PHYHIPL: variants seen among roughly 807,000 people sequenced by gnomAD.
The protein encoded by PHYHIPL is phytanoyl-CoA hydroxylase-interacting protein-like.
In PHYHIPL, 9 loss-of-function variants were observed where a neutral mutation model predicts 33.4. That is an observed-to-expected ratio of 0.27 (90% confidence interval 0.16 to 0.47). The LOEUF is 0.47. PHYHIPL is among the 20% of genes least tolerant of loss of function. PHYHIPL has a pLI of 0.99. For missense variants in PHYHIPL, 365 were observed against 460.7 expected, an observed-to-expected ratio of 0.79 and a Z score of 1.90; for synonymous variants, 153 against 154.1, an observed-to-expected ratio of 0.99 and a Z score of 0.05.
chr10:59,206,975 A>G (rs1403818411), intron 1 of PHYHIPL: 1 of 226,900 alleles, frequency 4.4e-6, no homozygotes, highest in Non-Finnish European at 8.3e-6. Flanking sequence ...GCAAAACAAT[A>G]CAGTAAGAGG....
chr10:59,198,437 T>C (rs921266390), intron 1 of PHYHIPL, among the ~76,000 whole-genome samples: 10 of 152,194 alleles, frequency 6.6e-5, no homozygotes, highest in African/African-American at 2.4e-4. Flanking sequence ...CCACATTTTT[T>C]TTAATCCACT....
At chr10:59,182,568 C>A (rs1838439581) in intron 1 of PHYHIPL, among the ~76,000 whole-genome samples, 1 of 152,164 alleles carries the variant, frequency 6.6e-6, no homozygotes, top group African/African-American at 2.4e-5. Context: ...GTCTTGAACT[C>A]CCGACCTCGT....
chr10:59,216,046 C>T (rs1053137246), intron 1 of PHYHIPL, among the ~76,000 whole-genome samples: 5 of 151,774 alleles, frequency 3.3e-5, no homozygotes, highest in Admixed American at 1.3e-4. Context: ...GTGAGACATC[C>T]AAGTAGGGGT....
intron 1 of PHYHIPL, among the ~76,000 whole-genome samples, chr10:59,182,522 T>C (rs1024393425): frequency 2.0e-5 from 3 of 152,050 alleles, no homozygotes; most frequent in African/African-American, 7.2e-5. Flanking sequence ...TTTGTGTTTT[T>C]AGTAGAGATG....
intron 1 of PHYHIPL, among the ~76,000 whole-genome samples, chr10:59,227,970 A>G (rs1839973478): frequency 6.7e-6 from 1 of 150,162 alleles, no homozygotes; most frequent in Non-Finnish European, 1.5e-5. Flanking sequence ...ATTTTTGCCT[A>G]TTGAGATATA....
intron 1 of PHYHIPL, among the ~76,000 whole-genome samples, chr10:59,212,552 C>T (rs769182731): frequency 2.0e-5 from 3 of 152,186 alleles, no homozygotes; most frequent in Non-Finnish European, 4.4e-5. Flanking sequence ...AAATGGTCAA[C>T]CGTTAACCAA....
At chr10:59,185,276 C>T (rs1838555706) in intron 1 of PHYHIPL, among the ~76,000 whole-genome samples, 2 of 152,190 alleles carry the variant, frequency 1.3e-5, no homozygotes, top group Admixed American at 1.3e-4. Context: ...AGGCATGAGC[C>T]ACCGCGCCCG....
intron 1 of PHYHIPL, among the ~76,000 whole-genome samples, chr10:59,227,142 T>A (rs1010629618): frequency 6.6e-6 from 1 of 152,192 alleles, no homozygotes; most frequent in Non-Finnish European, 1.5e-5. Context: ...GTCTATTTTC[T>A]GTTGGTATAA....
rs563256979 is a variant in PHYHIPL, at chr10:59,245,316, G to A, written c.856G>A (p.Ala286Thr). The A allele has an allele frequency of 1.2e-6, 2 of 1,614,132 alleles. No homozygotes were observed. Among genetic ancestry groups the A allele is most frequent in the East Asian group, 2.2e-5 (1 of 44,880 alleles). ...TTATCATTATGTGATTCTTGTTATT[G>A]CTCCTGTGGGATCACCAGGAGATGA... ...TAYHYVILVI[A>T]PVGSPGDEFC... Residue 286 changes from alanine to threonine, a missense_variant, in exon 5 of 5, where the codon GCT becomes ACT. This residue lies in a region of PHYHIPL where 196 missense variants were observed against 224.9 expected (regional missense o/e 0.87). Coordinates refer to ENST00000373880, the MANE Select transcript of PHYHIPL (RefSeq NM_032439.4).
Position 59,177,745 on chromosome 10 carries a change from G to A in PHYHIPL, c.106+786G>A, listed in dbSNP as rs906885541. ...GACATAAGCTAGTGCTGTGTGCGGTGTGGTTAGTTACAGTGCTTCTGGGTT... is the reference window on the plus strand; with the variant it reads ...GACATAAGCTAGTGCTGTGTGCGGTATGGTTAGTTACAGTGCTTCTGGGTT... On this transcript the variant is annotated intron_variant, in intron 1 of 4. Coordinates refer to ENST00000373880, the MANE Select transcript of PHYHIPL (RefSeq NM_032439.4). 20 of 1,175,800 alleles carry A rather than the reference G, an allele frequency of 1.7e-5. 2 individuals are homozygous for A. The South Asian group carries it at 2.7e-4, about 16-fold the overall frequency. The allele number at this position is 1,175,800 out of a possible 1,614,324, so 72.8% of individuals were successfully genotyped here.
chr10:59,238,825 G>A (rs984883864), intron 4 of PHYHIPL, 120 bp downstream of exon 4: 18 of 582,572 alleles, frequency 3.1e-5, no homozygotes, highest in South Asian at 8.0e-5. Flanking sequence ...TCAAAATAAC[G>A]ATATGGAATT....
At chr10:59,206,399 T>A (rs1239934501) in intron 1 of PHYHIPL, among the ~76,000 whole-genome samples, 1 of 152,238 alleles carries the variant, frequency 6.6e-6, no homozygotes, top group Non-Finnish European at 1.5e-5. Flanking sequence ...CCCTTCCTAT[T>A]ATTTGGAGTT....
At chr10:59,224,497 A>AAACAAAACAAAACAC (rs370140471) in intron 1 of PHYHIPL, among the ~76,000 whole-genome samples, 3,354 of 70,482 alleles carry the variant, frequency 0.048, 66 homozygotes, top group Non-Finnish European at 0.09. Flanking sequence ...AAACAAAACA[A>AAACAAAACAAAACAC]AAAACAAAAC....
chr10:59,195,957 A>T (rs573437382), intron 1 of PHYHIPL, among the ~76,000 whole-genome samples: 1 of 152,290 alleles, frequency 6.6e-6, no homozygotes, highest in South Asian at 2.1e-4. Context: ...AAAAAGTTTT[A>T]TTAATGTTAG....
chr10:59,229,464 G>A (rs1241863238), intron 1 of PHYHIPL, among the ~76,000 whole-genome samples: 1 of 152,048 alleles, frequency 6.6e-6, no homozygotes, highest in Non-Finnish European at 1.5e-5. Context: ...TGAGAGAGAA[G>A]GGGAAGAAAA....
chr10:59,200,906 C>A (rs1000992744), intron 1 of PHYHIPL, among the ~76,000 whole-genome samples: 3 of 152,014 alleles, frequency 2.0e-5, no homozygotes, highest in Admixed American at 2.0e-4. Flanking sequence ...CAGTGATATC[C>A]CCTTTATCAT....
intron 1 of PHYHIPL, among the ~76,000 whole-genome samples, chr10:59,224,276 T>C (rs986258287): frequency 1.3e-5 from 2 of 152,146 alleles, no homozygotes; most frequent in Non-Finnish European, 2.9e-5. Context: ...AATGAGCTTC[T>C]AAGAAAAATG....
intron 1 of PHYHIPL, among the ~76,000 whole-genome samples, chr10:59,220,020 C>T (rs1446566478): frequency 6.6e-6 from 1 of 152,070 alleles, no homozygotes; most frequent in East Asian, 1.9e-4. Context: ...ACCCTAAGTT[C>T]AATGTAGCTT....
upstream of PHYHIPL, among the ~76,000 whole-genome samples, chr10:59,176,427 A>T (rs948739727): frequency 1.3e-5 from 2 of 151,870 alleles, no homozygotes; most frequent in Non-Finnish European, 2.9e-5. Flanking sequence ...CCGACGCCTC[A>T]CGCGCGAGGT....
Sources: gnomAD v4.1 joint callset for allele counts (sites outside exome capture counted in the v4.1 genomes callset) on GRCh38, gnomAD v4.1.1 for gene constraint, gnomAD v4.1.1 regional missense constraint, MANE v1.5 for transcripts, NCBI Gene and HGNC (gene_info 2026-07-23, HGNC 2026-07-21) for gene names.